The following SERINC4 variants were observed in gnomAD, a reference collection of about 807,000 sequenced individuals.
The protein encoded by SERINC4 is serine incorporator 4.
In SERINC4, 52 loss-of-function variants were observed where a neutral mutation model predicts 52.0. The observed-to-expected ratio is 1.00, with a 90% confidence interval of 0.80 to 1.26. The LOEUF is 1.26. Ranked by LOEUF, SERINC4 falls within the 50% of genes most tolerant of loss-of-function variation. The pLI is 0.00. For missense variants in SERINC4, 723 were observed against 632.8 expected, an observed-to-expected ratio of 1.14 and a Z score of -1.53; for synonymous variants, 264 against 247.7, an observed-to-expected ratio of 1.07 and a Z score of -0.62.
rs1249308104 is a variant in SERINC4 at position 43,799,993 on chromosome 15, C to T, written c.-7G>A. 1.3e-6 allele frequency: 2 copies of T among 1,526,130 alleles called. No individual in the cohort carries two copies. Among genetic ancestry groups the T allele is most frequent in the Non-Finnish European group, 1.8e-6 (2 of 1,137,406 alleles). 94.5% of individuals were successfully genotyped at this position (1,526,130 alleles called of 1,614,324 possible). Reference sequence around the variant, plus strand: ...CGGCCTTGGCACCCACCATCCTTGTCCCAGGGATTAGGCTTAGGTCCACCA... The same window carrying T: ...CGGCCTTGGCACCCACCATCCTTGTTCCAGGGATTAGGCTTAGGTCCACCA... On this transcript the variant is annotated 5_prime_UTR_variant, in exon 1 of 12. Transcript: ENST00000319327.
Position 43,795,515 on chromosome 15 carries a change from C to A in SERINC4, c.1216G>T (p.Ala406Ser), listed in dbSNP as rs1214845281. 6.2e-7 allele frequency: 1 copy of A among 1,614,192 alleles called. No homozygotes were observed. The highest frequency in any genetic ancestry group is 2.2e-5 in the East Asian group (1 of 44,884). ...KGQRGGAARPADQETPPAPPV... is the reference protein window; with the variant it reads ...KGQRGGAARPSDQETPPAPPV... ...GGAGCTGGAGGGGTTTCTTGGTCAGCTGGCCTCGCAGCCCCACCCCTTTGC... is the reference window on the plus strand; with the variant it reads ...GGAGCTGGAGGGGTTTCTTGGTCAGATGGCCTCGCAGCCCCACCCCTTTGC... The change falls in exon 11 of 12, where the codon GCT becomes TCT. Residue 406 changes from alanine to serine, a missense_variant. Coordinates refer to ENST00000319327, the MANE Select transcript of SERINC4 (RefSeq NM_001258031.2).
chr15:43,795,178 T>C lies in SERINC4; in HGVS notation c.1379A>G (p.Lys460Arg), dbSNP rs752286728. The C allele has an allele frequency of 1.2e-5, 19 of 1,613,980 alleles. No homozygotes were observed. The highest frequency in any genetic ancestry group is 5.1e-6 in the Non-Finnish European group (6 of 1,180,016). ...GACCCAGAAGGTGGCCCAGCTACCC[T>C]TGATGAAGGTCTTTTCCAGTTCTGC... ...EGAELEKTFI[K>R]GSWATFWVKV... The change falls in exon 12 of 12, where the codon AAG (lysine) becomes AGG (arginine). Residue 460 changes from lysine to arginine, a missense_variant. Coordinates refer to ENST00000319327, the MANE Select transcript of SERINC4 (RefSeq NM_001258031.2).
chr15:43,795,758 TTGGAA>T, intron 9 of SERINC4, 22 bp from the exon 10 acceptor site: 1 of 1,612,376 alleles, frequency 6.2e-7, no homozygotes, highest in Non-Finnish European at 8.5e-7. Flanking sequence ...AACGCAGGTT[TTGGAA>T]TGGTCTTAAA....
rs560457521 is a variant in SERINC4 at position 43,794,650 on chromosome 15, C to T, written c.*350G>A. The T allele has an allele frequency of 3.1e-5, 7 of 227,928 alleles. No homozygotes were observed. Among genetic ancestry groups the T allele is most frequent in the African/African-American group, 4.5e-5 (2 of 44,550 alleles). The allele number at this position is 227,928 out of a possible 1,614,324, so 14.1% of individuals were successfully genotyped here. A position where few individuals can be genotyped will look rare whatever the true frequency, so the allele number is the denominator to read the frequency against. On this transcript the variant is annotated 3_prime_UTR_variant, in exon 12 of 12. Coordinates refer to ENST00000319327, the MANE Select transcript of SERINC4 (RefSeq NM_001258031.2). ...ATTTTCCTTTCTCCAAGGGCAGAGC[C>T]GAGTCTTCAGTCCCTGTTGGTCTTT...
rs187500264 is a variant in SERINC4 at position 43,799,271 on chromosome 15, A to C, written c.279+39T>G. 3.9e-5 allele frequency: 60 copies of C among 1,536,782 alleles called. 1 individual carries two copies. The African/African-American group carries it at 7.0e-4, about 18-fold the overall frequency. ...TTTCTATCTTAGGGTTTTTCCTTTTATCTCTTCCCACCTGACAACCCGACC... is the reference window on the plus strand; with the variant it reads ...TTTCTATCTTAGGGTTTTTCCTTTTCTCTCTTCCCACCTGACAACCCGACC... On this transcript the variant is annotated intron_variant, in intron 2 of 11. Transcript: ENST00000319327.
Position 43,795,214 on chromosome 15 carries a change from C to G in SERINC4, c.1344-1G>C, listed in dbSNP as rs768555344. On this transcript the variant is annotated splice_acceptor_variant, in intron 11 of 11. Coordinates refer to ENST00000319327, the MANE Select transcript of SERINC4 (RefSeq NM_001258031.2). LOFTEE classifies it high-confidence loss of function. ...CTTTTCCAGTTCTGCTCCCTCATAGCTGTGTAACCAAAGGCTCTGGTTAGA... is the reference window on the plus strand; with the variant it reads ...CTTTTCCAGTTCTGCTCCCTCATAGGTGTGTAACCAAAGGCTCTGGTTAGA... The G allele has an allele frequency of 3.1e-6, 5 of 1,613,880 alleles. No homozygotes were observed. Among genetic ancestry groups the G allele is most frequent in the African/African-American group, 2.7e-5 (2 of 74,888 alleles).
In SERINC4 at chr15:43,797,211, G is replaced by C. The variant is rs1371052232; in HGVS notation, c.778C>G (p.Leu260Val). The C allele has an allele frequency of 4.5e-6, 7 of 1,550,744 alleles. No homozygotes were observed. The highest frequency in any genetic ancestry group is 5.2e-6 in the Non-Finnish European group (6 of 1,147,028). The change falls in exon 6 of 12, where the codon CTC becomes GTC. Residue 260 changes from leucine to valine, a missense_variant. Coordinates refer to ENST00000319327, the MANE Select transcript of SERINC4 (RefSeq NM_001258031.2). Reference protein sequence around the residue: ...PAGCLLNKMLLSLHLCFCGLI... With the variant: ...PAGCLLNKMLVSLHLCFCGLI... ...CCACAGAAGCAAAGGTGCAGACTGA[G>C]GAGCATCTTGTTAAGCAGGCAGCCA...
chr15:43,798,054 T>A, intron 4 of SERINC4, 41 bp from the exon 5 acceptor site: 3 of 332,748 alleles, frequency 9.0e-6, no homozygotes, highest in Middle Eastern at 7.9e-4. Context: ...AAATTGTTAC[T>A]TTTTTTTTTT....
At chr15:43,796,314 C>T (rs1415075261) in intron 8 of SERINC4, 87 bp from the exon 9 acceptor site, 1 of 1,015,570 alleles carries the variant, frequency 9.8e-7, no homozygotes, top group East Asian at 2.4e-5. Context: ...TACTGGTAAT[C>T]CTCAAAAGGG....
chr15:43,799,941 G>A lies in SERINC4; in HGVS notation c.46C>T (p.Leu16=). 1.3e-6 allele frequency: 2 copies of A among 1,549,114 alleles called. No homozygotes were observed. The highest frequency in any genetic ancestry group is 1.2e-5 in the South Asian group (1 of 83,900). Residue 16 remains leucine (L), a synonymous_variant, in exon 1 of 12, where the codon CTG becomes TTG. Coordinates refer to ENST00000319327, the MANE Select transcript of SERINC4 (RefSeq NM_001258031.2). ...AGPSPGTSLG[L]AQQHSGGSSV... ...CTGCCTCCGCTGTGCTGCTGTGCCA[G>A]GCCCAGGGAGGTGCCGGGGCTGGGG...
chr15:43,795,626 A>T, intron 10 of SERINC4, 62 bp downstream of exon 10: 1 of 1,599,766 alleles, frequency 6.3e-7, no homozygotes, highest in South Asian at 1.1e-5. Context: ...AAGGCTCTTG[A>T]GGGTTCTTAT....
At chr15:43,796,520 TA>T in intron 8 of SERINC4, 95 bp downstream of exon 8, 1 of 1,389,356 alleles carries the variant, frequency 7.2e-7, no homozygotes, top group Non-Finnish European at 1.0e-6. Flanking sequence ...AGTCTTGCTC[TA>T]AACTTTAAAT....
rs1018327352 is a variant in SERINC4, at chr15:43,800,161, G to A, written c.-175C>T. Reference sequence around the variant, plus strand: ...CCTCCAGGTTGCGGTAAATGCAAATGCCCTGTGAAGGAGCTTTGTCCTTAG... The same window carrying A: ...CCTCCAGGTTGCGGTAAATGCAAATACCCTGTGAAGGAGCTTTGTCCTTAG... On this transcript the variant is annotated 5_prime_UTR_variant, in exon 1 of 12. Coordinates refer to ENST00000319327, the MANE Select transcript of SERINC4 (RefSeq NM_001258031.2). The A allele has an allele frequency of 1.3e-5, 8 of 596,142 alleles. No individual in the cohort carries two copies. The highest frequency in any genetic ancestry group is 8.8e-4 in the Middle Eastern group (2 of 2,262). 36.9% of individuals were successfully genotyped at this position (596,142 alleles called of 1,614,324 possible). A position where few individuals can be genotyped will look rare whatever the true frequency, so the allele number is the denominator to read the frequency against.
At chr15:43,798,053 CT>C (rs751738258) in intron 4 of SERINC4, 40 bp from the exon 5 acceptor site, 173,824 of 1,079,870 alleles carry the variant, frequency 0.16, 1 homozygote, top group South Asian at 0.21. Context: ...CAAATTGTTA[CT>C]TTTTTTTTTT....
Position 43,795,466 on chromosome 15 carries a change from G to A in SERINC4, c.1265C>T (p.Ser422Phe). 3 of 1,614,218 alleles carry A rather than the reference G, an allele frequency of 1.9e-6. No individual in the cohort carries two copies. The highest frequency in any genetic ancestry group is 2.5e-6 in the Non-Finnish European group (3 of 1,180,030). Residue 422 changes from serine to phenylalanine, a missense_variant, in exon 11 of 12, where the codon TCC becomes TTC. Coordinates refer to ENST00000319327, the MANE Select transcript of SERINC4 (RefSeq NM_001258031.2). ...PAPPVQVQHL[S>F]YNYSAFHFVF... ...GAAGTGGAAGGCAGAATAGTTGTAG[G>A]AAAGATGCTGGACTTGGACTGGAGG... is the stretch of plus-strand genomic sequence containing the variant.
At position 43,795,471 on chromosome 15, in the gene SERINC4, A is replaced by G; in HGVS notation, c.1260T>C (p.His420=). Residue 420 remains histidine (H), a synonymous_variant, in exon 11 of 12, where the codon CAT becomes CAC. Coordinates refer to ENST00000319327, the MANE Select transcript of SERINC4 (RefSeq NM_001258031.2). ...GGAAGGCAGAATAGTTGTAGGAAAG[A>G]TGCTGGACTTGGACTGGAGGAGCTG... The part of the protein sequence containing the change: ...TPPAPPVQVQ[H]LSYNYSAFHF... 6.2e-7 allele frequency: 1 copy of G among 1,614,244 alleles called. No individual in the cohort carries two copies. Among genetic ancestry groups the G allele is most frequent in the Middle Eastern group, 1.6e-4 (1 of 6,062 alleles).
At position 43,794,797 on chromosome 15, in the gene SERINC4, G is replaced by T. The variant is rs1202906379; in HGVS notation, c.*203C>A. 2.6e-5 allele frequency: 14 copies of T among 546,000 alleles called. 1 individual carries two copies. The highest frequency in any genetic ancestry group is 3.9e-5 in the Non-Finnish European group (12 of 306,816). 33.8% of individuals were successfully genotyped at this position (546,000 alleles called of 1,614,324 possible). A position where few individuals can be genotyped will look rare whatever the true frequency, so the allele number is the denominator to read the frequency against. On this transcript the variant is annotated 3_prime_UTR_variant, in exon 12 of 12. Coordinates refer to ENST00000319327, the MANE Select transcript of SERINC4 (RefSeq NM_001258031.2). Reference sequence around the variant, plus strand: ...TAGGCTCTTGAGCTGGGATGCAGATGTAACAGTAGCTCCAGTGAGTCAGAC... The same window carrying T: ...TAGGCTCTTGAGCTGGGATGCAGATTTAACAGTAGCTCCAGTGAGTCAGAC...
In SERINC4 at chr15:43,797,246, G is replaced by C; in HGVS notation, c.743C>G (p.Thr248Arg). 6.4e-7 allele frequency: 1 copy of C among 1,550,562 alleles called. No homozygotes were observed. The highest frequency in any genetic ancestry group is 8.7e-7 in the Non-Finnish European group (1 of 1,146,984). ...GTTAAGCAGGCAGCCAGCTGGGTGT[G>C]TATAATAGTGGAATAGGAGCACAGC... ...VGAVLLFHYY[T>R]HPAGCLLNKM... is the part of the protein sequence containing the mutation. The change falls in exon 6 of 12, where the codon ACA becomes AGA. Residue 248 changes from threonine to arginine, a missense_variant. Thr to Arg is a moderately conservative substitution (Grantham distance 71, BLOSUM62 -1). Coordinates refer to ENST00000319327, the MANE Select transcript of SERINC4 (RefSeq NM_001258031.2).
chr15:43,797,146 G>C lies in SERINC4; in HGVS notation c.843C>G (p.Leu281=). 6.4e-7 allele frequency: 1 copy of C among 1,551,060 alleles called. No homozygotes were observed. Among genetic ancestry groups the C allele is most frequent in the Non-Finnish European group, 8.7e-7 (1 of 1,146,870 alleles). ...GAATGCTGTAGGACATGTACCCACT[G>C]AGGCGGATGCAAGGAGCGATGGAGA... The part of the protein sequence containing the change: ...SFLSIAPCIR[L]KQPRSGLLQA... The change falls in exon 6 of 12, where the codon CTC becomes CTG. Residue 281 remains leucine (L), a splice_region_variant and synonymous_variant. Transcript: ENST00000319327.
Sources: gnomAD v4.1 joint callset for allele counts on GRCh38, gnomAD v4.1.1 for gene constraint, MANE v1.5 for transcripts, NCBI Gene and HGNC (gene_info 2026-07-23, HGNC 2026-07-21) for gene names.